PCDHGB1: variants seen among roughly 807,000 people sequenced by gnomAD.
PCDHGB1 encodes protocadherin gamma subfamily B, 1, also known as protocadherin gamma-B1.
Under a neutral mutation model 56.6 loss-of-function variants are expected in PCDHGB1, and 34 were observed. That is an observed-to-expected ratio of 0.60 (90% CI 0.46 to 0.80). The LOEUF (loss-of-function observed/expected upper bound fraction) is 0.80. PCDHGB1 is among the 30% of genes least tolerant of loss of function. The pLI is 0.00. For missense variants in PCDHGB1, 1,278 were observed against 1,204.6 expected (o/e 1.06, Z -0.90); for synonymous variants, 561 against 505.9 (o/e 1.11, Z -1.46).
intron 1 of PCDHGB1, chr5:141,364,358 T>A: frequency 6.4e-7 from 1 of 1,557,016 alleles, no homozygotes; most frequent in South Asian, 1.2e-5. Context: ...GGGCTGGGGC[T>A]GCGGAGAGCT....
At chr5:141,464,618 C>G (rs1425657373) in intron 1 of PCDHGB1, among the ~76,000 whole-genome samples, 2 of 152,092 alleles carry the variant, frequency 1.3e-5, no homozygotes, top group Non-Finnish European at 2.9e-5. Context: ...AGTATATTGT[C>G]AAGCTTTTTA....
chr5:141,358,047 A>G (rs532644383), intron 1 of PCDHGB1, among the ~76,000 whole-genome samples: 1 of 152,202 alleles, frequency 6.6e-6, no homozygotes, highest in Admixed American at 6.5e-5. Flanking sequence ...AAAGTTAGCT[A>G]GGCGTGGTGG....
chr5:141,379,118 C>G (rs180933858), intron 1 of PCDHGB1: 2 of 152,296 alleles, frequency 1.3e-5, no homozygotes, highest in Admixed American at 1.3e-4. Flanking sequence ...GAGAAGATAC[C>G]TTGAAAATAA....
intron 1 of PCDHGB1, among the ~76,000 whole-genome samples, chr5:141,438,872 G>T (rs13178044): frequency 0.11 from 16,734 of 151,118 alleles, 1,094 homozygotes; most frequent in African/African-American, 0.17. Flanking sequence ...CATCAAGTTG[G>T]CCAGGCTGCT....
chr5:141,362,640 T>C (rs1454864251), intron 1 of PCDHGB1: 1 of 1,468,046 alleles, frequency 6.8e-7, no homozygotes, highest in Non-Finnish European at 9.1e-7. Flanking sequence ...TATTTCTTTG[T>C]CTGTGAGTTA....
chr5:141,356,907 T>G (rs17097226), intron 1 of PCDHGB1: 153,078 of 1,614,072 alleles, frequency 0.095, 9,003 homozygotes, highest in African/African-American at 0.29. Context: ...CCTTCCCTAC[T>G]GATGGCTCCA....
chr5:141,374,535 G>C (rs752542327), intron 1 of PCDHGB1: 2 of 1,613,092 alleles, frequency 1.2e-6, no homozygotes, highest in African/African-American at 1.3e-5. Context: ...CCATCCTCTC[G>C]TTTTCCACTA....
chr5:141,355,706 G>A (rs568835897), intron 1 of PCDHGB1: 7 of 1,613,984 alleles, frequency 4.3e-6, no homozygotes, highest in Admixed American at 1.7e-5. Flanking sequence ...TCCCTGCAGG[G>A]TTACCAGCTC....
chr5:141,359,987 G>A (rs1225240319), intron 1 of PCDHGB1: 1 of 925,904 alleles, frequency 1.1e-6, no homozygotes, highest in Admixed American at 3.4e-5. Context: ...TCTTAGAGGG[G>A]AACTTCCTGC....
At chr5:141,390,466 G>C (rs753916175) in intron 1 of PCDHGB1, 7 of 711,916 alleles carry the variant, frequency 9.8e-6, no homozygotes, top group Admixed American at 3.0e-5. Context: ...AGGAGCAATT[G>C]TGTGGCCCAA....
intron 1 of PCDHGB1, among the ~76,000 whole-genome samples, chr5:141,473,916 A>T (rs1014065718): frequency 2.6e-5 from 4 of 152,162 alleles, no homozygotes; most frequent in Non-Finnish European, 4.4e-5. Flanking sequence ...TCTTAAGAAA[A>T]CTATGAGCTG....
chr5:141,403,953 T>C, intron 1 of PCDHGB1: 1 of 1,613,860 alleles, frequency 6.2e-7, no homozygotes, highest in South Asian at 1.1e-5. Flanking sequence ...ACAAAAGTGC[T>C]CATTTCGGTG....
At chr5:141,453,145 G>A (rs1329081754) in intron 1 of PCDHGB1, among the ~76,000 whole-genome samples, 3 of 151,752 alleles carry the variant, frequency 2.0e-5, no homozygotes, top group Admixed American at 6.6e-5. Context: ...ATAGGGTCTC[G>A]CTATGTCACC....
intron 1 of PCDHGB1, chr5:141,428,368 C>A (rs1403173774): frequency 1.3e-5 from 7 of 544,884 alleles, no homozygotes; most frequent in Non-Finnish European, 2.4e-5. Flanking sequence ...GGTCGCCTTG[C>A]ACCTGCGATG....
Position 141,505,229 on chromosome 5 carries a change from G to T in PCDHGB1, c.2469-164G>T, listed in dbSNP as rs116169437. 9.5e-4 allele frequency: 809 copies of T among 847,460 alleles called. 6 individuals carry two copies. In the African/African-American group the frequency reaches 0.013, roughly 13 times the overall value. 52.5% of individuals were successfully genotyped at this position (847,460 alleles called of 1,614,324 possible). ...TGAGGGACTGACTTGTGGGATTCTG[G>T]CTTCTGAAGGATTGTAGAAGTGCCT... On this transcript the variant is annotated intron_variant, in intron 2 of 3. Coordinates refer to ENST00000523390, the MANE Select transcript of PCDHGB1 (RefSeq NM_018922.3).
intron 1 of PCDHGB1, among the ~76,000 whole-genome samples, chr5:141,406,540 A>C (rs1180847016): frequency 6.6e-6 from 1 of 152,216 alleles, no homozygotes; most frequent in Non-Finnish European, 1.5e-5. Context: ...ACGAAGATTC[A>C]AACTTCAGTT....
intron 1 of PCDHGB1, among the ~76,000 whole-genome samples, chr5:141,368,006 C>A (rs975093314): frequency 1.3e-5 from 2 of 152,188 alleles, no homozygotes; most frequent in African/African-American, 2.4e-5. Flanking sequence ...TAATGAAATA[C>A]TGGCCTATGT....
intron 1 of PCDHGB1, chr5:141,389,283 GC>G (rs775524674): frequency 6.2e-7 from 1 of 1,614,022 alleles, no homozygotes; most frequent in South Asian, 1.1e-5. Context: ...CCCGCCTGGA[GC>G]CTCTATTTCA....
Position 141,431,354 on chromosome 5 carries a change from G to A in PCDHGB1, c.2410-63453G>A, listed in dbSNP as rs777198567. On this transcript the variant is annotated intron_variant, in intron 1 of 3. Coordinates refer to ENST00000523390, the MANE Select transcript of PCDHGB1 (RefSeq NM_018922.3). This position sits in a 1 kb window ranked among gnomAD's most constrained non-coding sequence, Gnocchi z 4.8. ...GTACCCCGAATTGGTGCTGAAACGC[G>A]CCCTGGACCGCGAAGAAAAGGCTGC... is the stretch of plus-strand genomic sequence containing the variant. 1 of 1,614,036 alleles carries A rather than the reference G, an allele frequency of 6.2e-7. No homozygotes were observed. Among genetic ancestry groups the A allele is most frequent in the South Asian group, 1.1e-5 (1 of 91,086 alleles).
Sources: allele counts gnomAD v4.1 joint callset (sites outside exome capture counted in the v4.1 genomes callset), GRCh38; gene constraint gnomAD v4.1.1; non-coding constraint Gnocchi (gnomAD v3.1); transcripts MANE v1.5; gene names NCBI Gene and HGNC (gene_info 2026-07-23, HGNC 2026-07-21).